C12orf50: variants seen among roughly 807,000 people sequenced by gnomAD.
C12orf50 encodes the protein uncharacterized protein C12orf50.
In C12orf50, 35 loss-of-function variants were observed where a neutral mutation model predicts 61.6. That is an observed-to-expected ratio of 0.57 (90% CI 0.43 to 0.75). C12orf50 has a LOEUF of 0.75. C12orf50 is among the 30% of genes least tolerant of loss of function. The pLI, the probability that C12orf50 is intolerant of heterozygous loss-of-function variation, is 0.00. For missense variants in C12orf50, 475 were observed against 488.5 expected (o/e 0.97, Z 0.26); for synonymous variants, 178 against 161.5 (o/e 1.10, Z -0.77).
intron 4 of C12orf50, among the ~76,000 whole-genome samples, 185 bp from the exon 5 acceptor site, chr12:87,996,831 T>C (rs2031417899): frequency 6.6e-6 from 1 of 152,176 alleles, no homozygotes; most frequent in African/African-American, 2.4e-5. Flanking sequence ...TTCAAAACAA[T>C]GTCAAGAGAA....
At chr12:88,006,041 C>G (rs996763839) in intron 3 of C12orf50, among the ~76,000 whole-genome samples, 4 of 151,720 alleles carry the variant, frequency 2.6e-5, no homozygotes, top group African/African-American at 7.3e-5. Context: ...CTCAGCCTCC[C>G]TAGTAGTTGG....
intron 3 of C12orf50, among the ~76,000 whole-genome samples, chr12:88,017,621 A>G (rs2032359971): frequency 6.6e-6 from 1 of 152,220 alleles, no homozygotes; most frequent in Non-Finnish European, 1.5e-5. Flanking sequence ...AGGGCTCAGA[A>G]TAACACAGAA....
chr12:88,011,630 A>G (rs555763718), intron 3 of C12orf50, among the ~76,000 whole-genome samples: 3 of 152,308 alleles, frequency 2.0e-5, no homozygotes, highest in South Asian at 4.1e-4. Flanking sequence ...ACAGTGGCAA[A>G]TATGTGGTAG....
intron 10 of C12orf50, 62 bp downstream of exon 10, chr12:87,986,250 A>T: frequency 7.5e-7 from 1 of 1,330,520 alleles, no homozygotes; most frequent in Non-Finnish European, 1.0e-6. Flanking sequence ...GGTAGAAGAT[A>T]TTTGATATTT....
chr12:88,018,741 G>A (rs932394068), intron 3 of C12orf50, among the ~76,000 whole-genome samples: 3 of 152,208 alleles, frequency 2.0e-5, no homozygotes, highest in African/African-American at 4.8e-5. Flanking sequence ...GGACCTGGAT[G>A]TGAGACCTGG....
intron 11 of C12orf50, chr12:87,985,574 G>A: frequency 2.3e-6 from 1 of 430,832 alleles, no homozygotes; most frequent in Non-Finnish European, 4.2e-6. Flanking sequence ...GTGACATGAA[G>A]CTGTCCTGGA....
At position 88,027,029 on chromosome 12, in the gene C12orf50, G is replaced by A. The variant is rs761822060; in HGVS notation, c.-67C>T. On this transcript the variant is annotated 5_prime_UTR_variant, in exon 2 of 13. Transcript: ENST00000298699. ...TCCATAATGAGCACACAGTGTCACT[G>A]CCAAGGGCCTCTTCACAGTGTCGGA... 3 of 1,613,582 alleles carry A rather than the reference G, an allele frequency of 1.9e-6. No individual in the cohort carries two copies. The East Asian group carries it at 6.7e-5, about 36-fold the overall frequency.
At position 87,980,084 on chromosome 12, in the gene C12orf50, C is replaced by T. The variant is rs1199127094; in HGVS notation, c.*247G>A. 8 of 481,968 alleles carry T rather than the reference C, an allele frequency of 1.7e-5. No individual in the cohort carries two copies. In the South Asian group the frequency reaches 2.5e-4, roughly 15 times the overall value. 29.9% of individuals were successfully genotyped at this position (481,968 alleles called of 1,614,324 possible). On this transcript the variant is annotated 3_prime_UTR_variant, in exon 13 of 13. Transcript: ENST00000298699. ...TTATTAAAATGTTTGGAGTAATGCA[C>T]GGAATGAATTCCAGACCTACATAAA...
chr12:87,988,067 T>A lies in C12orf50; in HGVS notation c.701-101A>T. ...TCAAACATTACATAATGGGAACACC[T>A]CTTTAAAATAATATATATATTTATG... On this transcript the variant is annotated intron_variant, in intron 8 of 12. Coordinates refer to ENST00000298699, the MANE Select transcript of C12orf50 (RefSeq NM_152589.3). 7 of 577,382 alleles carry A rather than the reference T, an allele frequency of 1.2e-5. 1 individual carries two copies. The East Asian group carries it at 1.9e-4, about 16-fold the overall frequency. 35.8% of individuals were successfully genotyped at this position (577,382 alleles called of 1,614,324 possible). A position where few individuals can be genotyped will look rare whatever the true frequency, so the allele number is the denominator to read the frequency against.
chr12:87,992,728 A>G (rs2031184699), intron 7 of C12orf50, among the ~76,000 whole-genome samples: 1 of 152,196 alleles, frequency 6.6e-6, no homozygotes, highest in Non-Finnish European at 1.5e-5. Flanking sequence ...AGAAAGAGCC[A>G]TCTGGAGTAC....
chr12:87,993,935 C>T (rs145036972), intron 7 of C12orf50, among the ~76,000 whole-genome samples: 43 of 152,046 alleles, frequency 2.8e-4, no homozygotes, highest in African/African-American at 9.9e-4. Context: ...CTCGGTGGCT[C>T]GTGCCTGTAA....
chr12:88,006,271 C>G (rs1405131135), intron 3 of C12orf50, among the ~76,000 whole-genome samples: 1 of 152,130 alleles, frequency 6.6e-6, no homozygotes, highest in Non-Finnish European at 1.5e-5. Context: ...AAACTTCTAG[C>G]TGGTTTACAG....
chr12:87,997,551 A>G (rs1364526325), intron 4 of C12orf50, among the ~76,000 whole-genome samples: 2 of 152,042 alleles, frequency 1.3e-5, no homozygotes, highest in Non-Finnish European at 2.9e-5. Context: ...TCCTGATGTT[A>G]TCCCTCCCCT....
chr12:88,024,559 T>G (rs2136501475), intron 3 of C12orf50, among the ~76,000 whole-genome samples: 1 of 152,226 alleles, frequency 6.6e-6, no homozygotes, highest in Admixed American at 6.5e-5. Flanking sequence ...TTCTAACTTA[T>G]AAGTGAGAGC....
chr12:87,980,128 T>A lies in C12orf50; in HGVS notation c.*203A>T. 1.8e-6 allele frequency: 1 copy of A among 556,656 alleles called. No individual in the cohort carries two copies. Among genetic ancestry groups the A allele is most frequent in the Non-Finnish European group, 3.1e-6 (1 of 317,788 alleles). The allele number at this position is 556,656 out of a possible 1,614,324, so 34.5% of individuals were successfully genotyped here. On this transcript the variant is annotated 3_prime_UTR_variant, in exon 13 of 13. Coordinates refer to ENST00000298699, the MANE Select transcript of C12orf50 (RefSeq NM_152589.3). ...ACATAAATACACTGGCAGCTGTTGG[T>A]AATTTGCATTTTTATCAGTTTTGAA...
intron 3 of C12orf50, among the ~76,000 whole-genome samples, chr12:87,999,366 A>T (rs759477086): frequency 6.6e-6 from 1 of 152,194 alleles, no homozygotes; most frequent in Non-Finnish European, 1.5e-5. Flanking sequence ...TTAAGGCTGC[A>T]TTTAGCCGAG....
At chr12:87,996,838 A>T (rs7131735) in intron 4 of C12orf50, among the ~76,000 whole-genome samples, 192 bp from the exon 5 acceptor site, 3,430 of 152,304 alleles carry the variant, frequency 0.023, 137 homozygotes, top group African/African-American at 0.077. Context: ...CAATGTCAAG[A>T]GAAAACAAAG....
chr12:88,023,146 C>T (rs191019255), intron 3 of C12orf50, among the ~76,000 whole-genome samples: 3 of 151,902 alleles, frequency 2.0e-5, no homozygotes, highest in South Asian at 2.1e-4. Context: ...ATGATACTGG[C>T]ACAAAAAAAC....
At chr12:87,999,034 G>A (rs1298313338) in intron 3 of C12orf50, among the ~76,000 whole-genome samples, 4 of 152,222 alleles carry the variant, frequency 2.6e-5, no homozygotes, top group African/African-American at 4.8e-5. Flanking sequence ...GTCATGAAAA[G>A]TTTTTTAGAT....
Sources: gnomAD v4.1 joint callset for allele counts (sites outside exome capture counted in the v4.1 genomes callset) on GRCh38, gnomAD v4.1.1 for gene constraint, MANE v1.5 for transcripts, NCBI Gene and HGNC (gene_info 2026-07-23, HGNC 2026-07-21) for gene names.